Variants in LRRFIP2 observed in about 807,000 individuals in gnomAD.
LRRFIP2 encodes the protein LRR binding FLII interacting protein 2.
LRRFIP2 carries 109 observed loss-of-function variants against 125.9 expected under a neutral mutation model. The ratio of observed to expected loss-of-function variants is 0.87; its 90% confidence interval spans 0.74 to 1.01. The LOEUF (loss-of-function observed/expected upper bound fraction) is 1.01, where lower values mean the gene tolerates loss of function less well. Among genes scored for constraint, LRRFIP2 ranks in the 50% least tolerant of loss-of-function variants. The pLI, the probability that LRRFIP2 is intolerant of heterozygous loss-of-function variation, is 0.00. For missense variants in LRRFIP2, 850 were observed against 862.3 expected, an observed-to-expected ratio of 0.99 and a Z score of 0.18; for synonymous variants, 291 against 293.1, an observed-to-expected ratio of 0.99 and a Z score of 0.07.
chr3:37,110,151 G>C (rs969501902), intron 9 of LRRFIP2, among the ~76,000 whole-genome samples: 1 of 152,154 alleles, frequency 6.6e-6, no homozygotes, highest in Admixed American at 6.6e-5. Flanking sequence ...AGATAAATAA[G>C]CTCCAAGTTA....
intron 11 of LRRFIP2, among the ~76,000 whole-genome samples, chr3:37,108,895 G>A (rs546965120): frequency 6.6e-6 from 1 of 152,044 alleles, no homozygotes; most frequent in Non-Finnish European, 1.5e-5. Context: ...AAACACCCCT[G>A]GTTACAGTAT....
At position 37,099,151 on chromosome 3, in the gene LRRFIP2, C is replaced by G. The variant is rs576082211; in HGVS notation, c.874-2491G>C. ...GATTGTCAAGCCAGCAAAAATTACC[C>G]AAAGCAACCATGCCATAGTTCTCTT... On this transcript the variant is annotated intron_variant, in intron 15 of 27. Coordinates refer to ENST00000336686, the MANE Select transcript of LRRFIP2 (RefSeq NM_006309.4). 5.3e-5 allele frequency among the ~76,000 whole-genome samples: 8 copies of G among 152,274 alleles called. No individual in the cohort carries two copies. The East Asian group carries it at 1.5e-3, about 29-fold the overall frequency.
intron 9 of LRRFIP2, among the ~76,000 whole-genome samples, chr3:37,110,256 T>C (rs1394692918): frequency 6.6e-6 from 1 of 152,212 alleles, no homozygotes; most frequent in Non-Finnish European, 1.5e-5. Context: ...TAAATTGTAC[T>C]AGTCAATGAA....
Position 37,053,900 on chromosome 3 carries a change from C to A in LRRFIP2, c.2117G>T (p.Arg706Leu). The change falls in exon 28 of 28, where the codon CGG (arginine) becomes CTG (leucine). Residue 706 changes from arginine to leucine, a missense_variant. Arg to Leu is a moderately radical substitution (Grantham distance 102, BLOSUM62 -2). Transcript: ENST00000336686. The stretch of plus-strand genomic sequence containing the variant: ...CCTATTGGCCTTCATCTTCTCCAGC[C>A]GCTTGGCCAGGTGGCTGTTGGTCAT... ...MEMTNSHLAK[R>L]LEKMKANRTA... is the part of the protein sequence containing the mutation. 6.2e-7 allele frequency: 1 copy of A among 1,614,138 alleles called. No homozygotes were observed. Among genetic ancestry groups the A allele is most frequent in the Non-Finnish European group, 8.5e-7 (1 of 1,179,994 alleles).
intron 25 of LRRFIP2, among the ~76,000 whole-genome samples, chr3:37,056,627 G>C (rs576680149): frequency 8.6e-5 from 13 of 151,890 alleles, no homozygotes; most frequent in Non-Finnish European, 1.8e-4. Context: ...CTAAATTTTT[G>C]TATTTTTAGT....
At chr3:37,134,862 T>G in intron 2 of LRRFIP2, 1 of 1,188,686 alleles carries the variant, frequency 8.4e-7, no homozygotes, top group South Asian at 1.2e-5. Flanking sequence ...TAAGGTTGCA[T>G]GTACAACAAG....
intron 13 of LRRFIP2, among the ~76,000 whole-genome samples, chr3:37,106,565 C>T (rs754276504): frequency 2.6e-5 from 4 of 152,188 alleles, no homozygotes; most frequent in Non-Finnish European, 5.9e-5. Flanking sequence ...CCCAGCTACT[C>T]AGGAGGCTGA....
intron 6 of LRRFIP2, among the ~76,000 whole-genome samples, chr3:37,115,716 C>T (rs1280377125): frequency 6.6e-6 from 1 of 152,150 alleles, no homozygotes; most frequent in African/African-American, 2.4e-5. Context: ...ACAGGTGTGA[C>T]ACTGAATATA....
chr3:37,172,506 G>A (rs1308574595), intron 1 of LRRFIP2, among the ~76,000 whole-genome samples: 1 of 152,112 alleles, frequency 6.6e-6, no homozygotes, highest in Non-Finnish European at 1.5e-5. Flanking sequence ...AGTTTGTGGT[G>A]GAAAGCAGAC....
chr3:37,077,046 A>G (rs80034622), intron 19 of LRRFIP2, among the ~76,000 whole-genome samples: 1,715 of 152,326 alleles, frequency 0.011, 21 homozygotes, highest in South Asian at 0.04. Context: ...ACTTGACAAC[A>G]TATTCCAGAA....
chr3:37,148,871 G>C, intron 2 of LRRFIP2, 23 bp downstream of exon 2: 1 of 1,613,658 alleles, frequency 6.2e-7, no homozygotes, highest in Non-Finnish European at 8.5e-7. Flanking sequence ...ACTCAGTGTT[G>C]AGAGGGGATT....
intron 19 of LRRFIP2, among the ~76,000 whole-genome samples, chr3:37,080,345 G>A (rs1258013821): frequency 5.9e-5 from 9 of 151,942 alleles, no homozygotes; most frequent in East Asian, 1.9e-4. Flanking sequence ...GCAGTGAGCC[G>A]AGATTGCGCC....
At chr3:37,102,798 G>A (rs750830159) in intron 15 of LRRFIP2, 126 bp downstream of exon 15, 15 of 650,920 alleles carry the variant, frequency 2.3e-5, no homozygotes, top group Non-Finnish European at 2.8e-5. Context: ...CACCATGCCC[G>A]GCCCAAACAA....
chr3:37,078,699 T>C (rs768184445), intron 19 of LRRFIP2, among the ~76,000 whole-genome samples: 1 of 152,156 alleles, frequency 6.6e-6, no homozygotes, highest in Non-Finnish European at 1.5e-5. Flanking sequence ...GCAATGAGCA[T>C]CTCTAGCACT....
intron 11 of LRRFIP2, 75 bp downstream of exon 11, chr3:37,109,452 C>T (rs2094469361): frequency 6.7e-7 from 1 of 1,495,778 alleles, no homozygotes; most frequent in African/African-American, 1.4e-5. Context: ...TGGAGAAAAG[C>T]TGTCAAGCCA....
In LRRFIP2 at chr3:37,053,919, T is replaced by G; in HGVS notation, c.2098A>C (p.Asn700His). The G allele has an allele frequency of 6.2e-7, 1 of 1,614,106 alleles. No individual in the cohort carries two copies. Among genetic ancestry groups the G allele is most frequent in the East Asian group, 2.2e-5 (1 of 44,884 alleles). Reference protein sequence around the residue: ...LDKIEEMEMTNSHLAKRLEKM... With the variant: ...LDKIEEMEMTHSHLAKRLEKM... ...TCCAGCCGCTTGGCCAGGTGGCTGT[T>G]GGTCATCTCCATCTCCTCAATCTTG... The change falls in exon 28 of 28, where the codon AAC becomes CAC. Residue 700 changes from asparagine to histidine, a missense_variant. Transcript: ENST00000336686.
chr3:37,129,364 T>C (rs1179305799), intron 2 of LRRFIP2, among the ~76,000 whole-genome samples: 3 of 152,252 alleles, frequency 2.0e-5, no homozygotes, highest in Admixed American at 1.3e-4. Context: ...TCCGGGCCTT[T>C]ACCTTTAACT....
At chr3:37,054,360 A>AT (rs769237268) in intron 27 of LRRFIP2, 51 bp downstream of exon 27, 5 of 1,417,394 alleles carry the variant, frequency 3.5e-6, no homozygotes, top group Non-Finnish European at 4.9e-6. Context: ...TTTCCAGAAG[A>AT]TTTTTTCTTT....
At chr3:37,175,728 G>C (rs566893526), upstream of LRRFIP2, 5 of 152,446 alleles carry the variant, frequency 3.3e-5, no homozygotes, top group African/African-American at 1.2e-4. Context: ...GTAGTGTGGC[G>C]TCTAAGGAGG....
Sources: allele counts gnomAD v4.1 joint callset (sites outside exome capture counted in the v4.1 genomes callset), GRCh38; gene constraint gnomAD v4.1.1; transcripts MANE v1.5; gene names NCBI Gene and HGNC (gene_info 2026-07-23, HGNC 2026-07-21).